TRIM24: variants seen among roughly 807,000 people sequenced by gnomAD.
The protein encoded by TRIM24 is tripartite motif containing 24, also known as transcription intermediary factor 1-alpha.
In TRIM24, 29 loss-of-function variants were observed where a neutral mutation model predicts 123.9. The ratio of observed to expected loss-of-function variants is 0.23; its 90% CI spans 0.17 to 0.32. The LOEUF is 0.32. Among genes scored for constraint, TRIM24 ranks in the 10% least tolerant of loss-of-function variants. The probability of loss-of-function intolerance (pLI) is 1.00; values close to 1 mark genes in which losing one functional copy is unlikely to be tolerated. For synonymous variants in TRIM24, 456 were observed against 461.1 expected, an observed-to-expected ratio of 0.99 and a Z score of 0.14; for missense variants, 932 against 1,295.3, an observed-to-expected ratio of 0.72 and a Z score of 4.31.
intron 6 of TRIM24, among the ~76,000 whole-genome samples, chr7:138,536,168 C>T (rs762934567): frequency 1.3e-5 from 2 of 152,146 alleles, no homozygotes; most frequent in African/African-American, 2.4e-5. Flanking sequence ...CAAACTTCCT[C>T]CTTTAGCTCG....
Position 138,508,712 on chromosome 7 carries a change from T to TGCGTGTGC in TRIM24, c.483+4305_483+4306insCGTGTGCG, listed in dbSNP as rs879759113. On this transcript the variant is annotated intron_variant, in intron 2 of 18. Transcript: ENST00000343526. ...GTGTGTGCGCGCGCGTGTGTGCGTG[T>TGCGTGTGC]GTGTGTGCGTGTGTGTGTGTGTGTG... 3.6e-5 allele frequency among the ~76,000 whole-genome samples: 4 copies of TGCGTGTGC among 112,584 alleles called. No homozygotes were observed. In the Admixed American group the frequency reaches 4.4e-4, roughly 12 times the overall value. 73.9% of individuals were successfully genotyped at this position (112,584 alleles called of 152,430 possible).
At chr7:138,544,665 G>A (rs1797066776) in intron 7 of TRIM24, among the ~76,000 whole-genome samples, 1 of 152,170 alleles carries the variant, frequency 6.6e-6, no homozygotes, top group Non-Finnish European at 1.5e-5. Flanking sequence ...CCGCACCCTG[G>A]CCAACACTTG....
chr7:138,524,291 C>G (rs923328583), intron 4 of TRIM24, among the ~76,000 whole-genome samples: 1 of 152,006 alleles, frequency 6.6e-6, no homozygotes, highest in African/African-American at 2.4e-5. Context: ...TATTGAAAGT[C>G]TTTGCATTGA....
chr7:138,544,494 A>T (rs987115826), intron 7 of TRIM24, among the ~76,000 whole-genome samples: 2 of 150,316 alleles, frequency 1.3e-5, no homozygotes, highest in African/African-American at 2.5e-5. Flanking sequence ...AGATATCTCT[A>T]CAAGGTCCTA....
chr7:138,563,789 A>T (rs1404137847), intron 9 of TRIM24, among the ~76,000 whole-genome samples: 2 of 152,152 alleles, frequency 1.3e-5, no homozygotes, highest in African/African-American at 4.8e-5. Context: ...AACTTCTGAG[A>T]TATTTCCTAT....
chr7:138,527,878 A>G (rs1326434539), intron 5 of TRIM24, among the ~76,000 whole-genome samples: 2 of 152,086 alleles, frequency 1.3e-5, no homozygotes, highest in African/African-American at 2.4e-5. Context: ...CCAGGCCTAG[A>G]ACAAAGACTG....
chr7:138,515,157 A>T, intron 2 of TRIM24, 55 bp from the exon 3 acceptor site: 1 of 1,574,364 alleles, frequency 6.4e-7, no homozygotes, highest in Non-Finnish European at 8.7e-7. Flanking sequence ...ATAGCTCGAG[A>T]TAGGACCACC....
Position 138,525,347 on chromosome 7 carries a change from A to G in TRIM24, c.871A>G (p.Ile291Val). The change falls in exon 5 of 19, where the codon ATC becomes GTC. Residue 291 changes from isoleucine to valine, a missense_variant. Ile to Val is a conservative substitution (Grantham distance 29). Coordinates refer to ENST00000343526, the MANE Select transcript of TRIM24 (RefSeq NM_015905.3). ...TKYIKFTGNQ[I>V]QNRIIEVNQN... ...ATACATAAAATTCACAGGAAATCAGATCCAAAACAGGTAATTTTATGGTAT... is the reference window on the plus strand; with the variant it reads ...ATACATAAAATTCACAGGAAATCAGGTCCAAAACAGGTAATTTTATGGTAT... 2.0e-6 allele frequency: 3 copies of G among 1,490,752 alleles called. No homozygotes were observed. The highest frequency in any genetic ancestry group is 2.7e-6 in the Non-Finnish European group (3 of 1,114,654). The allele number at this position is 1,490,752 out of a possible 1,614,324, so 92.3% of individuals were successfully genotyped here.
At chr7:138,495,336 C>T (rs1022333003) in intron 1 of TRIM24, among the ~76,000 whole-genome samples, 2 of 152,084 alleles carry the variant, frequency 1.3e-5, no homozygotes, top group Non-Finnish European at 2.9e-5. Context: ...GGCAACATAG[C>T]AGCATATTGT....
chr7:138,499,135 C>T (rs1302641739), intron 1 of TRIM24, among the ~76,000 whole-genome samples: 2 of 151,620 alleles, frequency 1.3e-5, no homozygotes, highest in Non-Finnish European at 2.9e-5. Flanking sequence ...TTTTCAGAAG[C>T]TCTGTTAATT....
At chr7:138,499,747 AC>A (rs1795994826) in intron 1 of TRIM24, among the ~76,000 whole-genome samples, 1 of 151,522 alleles carries the variant, frequency 6.6e-6, no homozygotes, top group South Asian at 2.1e-4. Flanking sequence ...ATTCAAGGCA[AC>A]CTGGAGCACT....
chr7:138,584,414 C>T (rs2116698884), intron 18 of TRIM24, among the ~76,000 whole-genome samples: 1 of 152,298 alleles, frequency 6.6e-6, no homozygotes, highest in South Asian at 2.1e-4. Flanking sequence ...TTCTCTGTTA[C>T]TCATTCTAAT....
At chr7:138,505,766 G>A (rs779858589) in intron 2 of TRIM24, among the ~76,000 whole-genome samples, 8 of 152,070 alleles carry the variant, frequency 5.3e-5, no homozygotes, top group Non-Finnish European at 8.8e-5. Context: ...GGTGTTTTTC[G>A]TTTGTTTCTA....
intron 6 of TRIM24, among the ~76,000 whole-genome samples, chr7:138,532,748 A>G (rs1796774780): frequency 6.6e-6 from 1 of 152,222 alleles, no homozygotes; most frequent in East Asian, 1.9e-4. Flanking sequence ...AATTCTGTGA[A>G]GAAAGTCATT....
chr7:138,510,988 T>G (rs942945165), intron 2 of TRIM24, among the ~76,000 whole-genome samples: 21 of 152,240 alleles, frequency 1.4e-4, no homozygotes, highest in African/African-American at 4.8e-4. Context: ...TGGATTATCC[T>G]TCCTTTTTAA....
intron 9 of TRIM24, among the ~76,000 whole-genome samples, chr7:138,567,085 G>GCA (rs1426156231): frequency 1.3e-5 from 2 of 152,212 alleles, no homozygotes; most frequent in Non-Finnish European, 2.9e-5. Flanking sequence ...ATAAGTGTTA[G>GCA]CAGTTATTAT....
At chr7:138,505,285 A>G (rs1237585505) in intron 2 of TRIM24, among the ~76,000 whole-genome samples, 2 of 152,316 alleles carry the variant, frequency 1.3e-5, no homozygotes, top group South Asian at 2.1e-4. Context: ...CCATTATTCT[A>G]TATTTGACAT....
At chr7:138,565,259 C>G (rs1797512995) in intron 9 of TRIM24, among the ~76,000 whole-genome samples, 1 of 152,056 alleles carries the variant, frequency 6.6e-6, no homozygotes, top group South Asian at 2.1e-4. Context: ...GGGGTGTGAG[C>G]TTGTGAGCTT....
intron 1 of TRIM24, among the ~76,000 whole-genome samples, chr7:138,492,628 A>G (rs958798297): frequency 3.9e-5 from 6 of 152,182 alleles, no homozygotes; most frequent in Non-Finnish European, 8.8e-5. Flanking sequence ...GGGAGAGGCT[A>G]CTGCTCTTGC....
Sources: gnomAD v4.1 joint callset for allele counts (sites outside exome capture counted in the v4.1 genomes callset) on GRCh38, gnomAD v4.1.1 for gene constraint, MANE v1.5 for transcripts, NCBI Gene and HGNC (gene_info 2026-07-23, HGNC 2026-07-21) for gene names.